SUGCT: variants seen among roughly 807,000 people sequenced by gnomAD.
The protein encoded by SUGCT is succinyl-CoA:glutarate CoA-transferase.
SUGCT carries 41 observed loss-of-function variants against 55.0 expected under a neutral mutation model. The observed-to-expected ratio is 0.74, with a 90% CI of 0.58 to 0.97. SUGCT has a LOEUF of 0.97. Ranked by LOEUF, SUGCT falls within the 50% of genes least tolerant of loss-of-function variation. The pLI, the probability that SUGCT is intolerant of heterozygous loss-of-function variation, is 0.00. For missense variants in SUGCT, 568 were observed against 547.8 expected (o/e 1.04, Z -0.37); for synonymous variants, 187 against 200.4 (o/e 0.93, Z 0.56).
chr7:40,963,299 T>C, the SUGCT span, among the ~76,000 whole-genome samples: 8 of 152,254 alleles, frequency 5.3e-5, no homozygotes, highest in African/African-American at 1.9e-4. Context: ...AACAAGAACA[T>C]GTCCTATCCC....
At chr7:40,465,365 T>C (rs1182327997) in intron 11 of SUGCT, among the ~76,000 whole-genome samples, 1 of 152,108 alleles carries the variant, frequency 6.6e-6, no homozygotes, top group East Asian at 1.9e-4. Context: ...ATCCTAGCGC[T>C]CTGGGAGGCT....
the SUGCT span, among the ~76,000 whole-genome samples, chr7:40,958,121 A>G: frequency 6.6e-6 from 1 of 152,034 alleles, no homozygotes; most frequent in African/African-American, 2.4e-5. Context: ...ACCTTGGTGA[A>G]TCTGACCATT....
chr7:40,199,874 C>T (rs1040037144), intron 6 of SUGCT, among the ~76,000 whole-genome samples: 5 of 150,880 alleles, frequency 3.3e-5, no homozygotes, highest in African/African-American at 7.3e-5. Flanking sequence ...TCCTTAATCT[C>T]TATTTATATA....
chr7:40,398,681 A>G (rs916946970), intron 9 of SUGCT, among the ~76,000 whole-genome samples: 2 of 152,162 alleles, frequency 1.3e-5, no homozygotes, highest in African/African-American at 4.8e-5. Context: ...TATAAGGCCC[A>G]ATCTTTTTAT....
chr7:40,554,123 T>C (rs2151646263), intron 12 of SUGCT, among the ~76,000 whole-genome samples: 1 of 152,370 alleles, frequency 6.6e-6, no homozygotes, highest in African/African-American at 2.4e-5. Context: ...ATTTAATTCT[T>C]TGTGCTCAGC....
intron 6 of SUGCT, among the ~76,000 whole-genome samples, chr7:40,201,131 T>C (rs1479535411): frequency 1.3e-5 from 2 of 151,774 alleles, no homozygotes; most frequent in Non-Finnish European, 2.9e-5. Flanking sequence ...ATAGATGTTT[T>C]GAAGGTGAGA....
chr7:40,595,240 G>T (rs866455423), intron 12 of SUGCT, among the ~76,000 whole-genome samples: 1 of 152,160 alleles, frequency 6.6e-6, no homozygotes. Context: ...GAAATAGTTT[G>T]ACCGAGGTCA....
chr7:40,748,557 A>G (rs947497739), intron 12 of SUGCT, among the ~76,000 whole-genome samples: 8 of 151,792 alleles, frequency 5.3e-5, no homozygotes, highest in Admixed American at 1.3e-4. Context: ...TTGTATTTTT[A>G]GAGAAAATAG....
the SUGCT span, among the ~76,000 whole-genome samples, chr7:41,029,433 T>C: frequency 6.6e-6 from 1 of 152,268 alleles, no homozygotes; most frequent in South Asian, 2.1e-4. Context: ...TCCACCTCTG[T>C]GGCTGGGGTC....
At chr7:40,212,732 A>G (rs1213716373) in intron 6 of SUGCT, among the ~76,000 whole-genome samples, 1 of 152,032 alleles carries the variant, frequency 6.6e-6, no homozygotes, top group Non-Finnish European at 1.5e-5. Context: ...ACAGGGTTTC[A>G]CCATGTTGGC....
chr7:40,916,720 T>A, the SUGCT span, among the ~76,000 whole-genome samples: 306 of 152,342 alleles, frequency 2.0e-3, 1 homozygote, highest in African/African-American at 7.0e-3. Context: ...TATGTATGTG[T>A]ACAGAAAAGA....
intron 12 of SUGCT, among the ~76,000 whole-genome samples, chr7:40,545,360 C>G (rs1794933206): frequency 6.6e-6 from 1 of 152,170 alleles, no homozygotes; most frequent in African/African-American, 2.4e-5. Context: ...TTTCTTCTTT[C>G]TTACTGGAGC....
At chr7:40,636,429 A>G (rs1161429784) in intron 12 of SUGCT, among the ~76,000 whole-genome samples, 1 of 152,184 alleles carries the variant, frequency 6.6e-6, no homozygotes, top group African/African-American at 2.4e-5. Context: ...CAATTTACCC[A>G]GTGCTGCTTC....
chr7:40,177,120 G>T (rs1784965906), intron 1 of SUGCT, among the ~76,000 whole-genome samples: 1 of 152,040 alleles, frequency 6.6e-6, no homozygotes, highest in Admixed American at 6.6e-5. Flanking sequence ...GCCTAAGAAA[G>T]CCTCCATACT....
At chr7:40,381,347 T>G (rs1784858820) in intron 9 of SUGCT, among the ~76,000 whole-genome samples, 1 of 152,144 alleles carries the variant, frequency 6.6e-6, no homozygotes, top group African/African-American at 2.4e-5. Flanking sequence ...AGGAATATTA[T>G]AAGACATTGG....
intron 12 of SUGCT, among the ~76,000 whole-genome samples, chr7:40,590,301 TTGAAGTGTTCAAG>T (rs1379574619): frequency 6.6e-6 from 1 of 152,196 alleles, no homozygotes; most frequent in Non-Finnish European, 1.5e-5. Context: ...TATATTGGCC[TTGAAGTGTTCAAG>T]TGAAAGGAAT....
intron 12 of SUGCT, among the ~76,000 whole-genome samples, chr7:40,720,012 C>T (rs564042519): frequency 6.6e-6 from 1 of 152,218 alleles, no homozygotes; most frequent in South Asian, 2.1e-4. Context: ...TCTCGATCTC[C>T]TAACCTCAAG....
At chr7:40,936,229 T>TTTA in the SUGCT span, among the ~76,000 whole-genome samples, 26 of 149,342 alleles carry the variant, frequency 1.7e-4, no homozygotes, top group Middle Eastern at 6.9e-3. Context: ...TTGTGGGATG[T>TTTA]TTATTATTAT....
the SUGCT span, among the ~76,000 whole-genome samples, chr7:40,897,017 C>A: frequency 6.6e-6 from 1 of 152,184 alleles, no homozygotes; most frequent in Non-Finnish European, 1.5e-5. Context: ...GACATATAAA[C>A]CAGTGGAACA....
Sources: allele counts gnomAD v4.1 joint callset (sites outside exome capture counted in the v4.1 genomes callset), GRCh38; gene constraint gnomAD v4.1.1; transcripts MANE v1.5; gene names NCBI Gene and HGNC (gene_info 2026-07-23, HGNC 2026-07-21).